Variants in KCNIP4 observed in about 807,000 individuals in gnomAD.
The protein encoded by KCNIP4 is potassium voltage-gated channel interacting protein 4, also known as Kv channel-interacting protein 4.
KCNIP4 carries 12 observed loss-of-function variants against 34.0 expected under a neutral mutation model. That is an observed-to-expected ratio of 0.35 (90% CI 0.23 to 0.57). The LOEUF is 0.57. Ranked by LOEUF, KCNIP4 falls within the 20% of genes least tolerant of loss-of-function variation. The pLI is 0.83. For missense variants in KCNIP4, 238 were observed against 311.7 expected, an observed-to-expected ratio of 0.76 and a Z score of 1.78; for synonymous variants, 124 against 102.2, an observed-to-expected ratio of 1.21 and a Z score of -1.29.
chr4:21,078,351 T>G (rs2109015127), intron 1 of KCNIP4, among the ~76,000 whole-genome samples: 1 of 152,140 alleles, frequency 6.6e-6, no homozygotes, highest in African/African-American at 2.4e-5. Flanking sequence ...AAATTTATCT[T>G]CTCAGAATTC....
chr4:21,874,486 C>G (rs905274857), intron 1 of KCNIP4, among the ~76,000 whole-genome samples: 4 of 152,138 alleles, frequency 2.6e-5, no homozygotes, highest in African/African-American at 9.7e-5. Flanking sequence ...ATCTGACCCA[C>G]AGAGGGAGAG....
chr4:21,201,648 G>A (rs1836088), intron 1 of KCNIP4, among the ~76,000 whole-genome samples: 9,917 of 152,110 alleles, frequency 0.065, 389 homozygotes, highest in East Asian at 0.15. Flanking sequence ...ACAGTTGCCC[G>A]CCACCATGCC....
chr4:21,819,800 A>C (rs983211135), intron 1 of KCNIP4, among the ~76,000 whole-genome samples: 1 of 152,142 alleles, frequency 6.6e-6, no homozygotes, highest in Non-Finnish European at 1.5e-5. Flanking sequence ...TCCTTCGTTC[A>C]AATTTGTAAG....
chr4:21,452,246 C>T (rs1445878505), intron 1 of KCNIP4, among the ~76,000 whole-genome samples: 1 of 152,126 alleles, frequency 6.6e-6, no homozygotes, highest in Non-Finnish European at 1.5e-5. Context: ...CTACACATCA[C>T]TTTCCGTAGA....
At chr4:21,624,813 T>TA (rs1442778715) in intron 1 of KCNIP4, among the ~76,000 whole-genome samples, 1 of 152,152 alleles carries the variant, frequency 6.6e-6, no homozygotes, top group Non-Finnish European at 1.5e-5. Context: ...CTATTTCACT[T>TA]AGCTTCTCCC....
At chr4:21,171,255 C>G (rs897352651) in intron 1 of KCNIP4, among the ~76,000 whole-genome samples, 1 of 152,132 alleles carries the variant, frequency 6.6e-6, no homozygotes, top group Non-Finnish European at 1.5e-5. Flanking sequence ...AACCAGTGGG[C>G]AACTGTCAAC....
chr4:21,928,945 A>T (rs562439465), intron 1 of KCNIP4, among the ~76,000 whole-genome samples: 1 of 152,136 alleles, frequency 6.6e-6, no homozygotes, highest in East Asian at 1.9e-4. Context: ...CACAAACAAC[A>T]TCCCATCTCT....
At chr4:21,548,238 C>T (rs187314292) in intron 1 of KCNIP4, among the ~76,000 whole-genome samples, 27 of 152,134 alleles carry the variant, frequency 1.8e-4, no homozygotes, top group African/African-American at 3.4e-4. Context: ...TGCAGCATTT[C>T]GGATCTTAAG....
chr4:20,883,116 T>C (rs73802389), intron 1 of KCNIP4, among the ~76,000 whole-genome samples: 5,278 of 149,592 alleles, frequency 0.035, 87 homozygotes, highest in African/African-American at 0.05. Flanking sequence ...AGGGCCCACA[T>C]GACAATTTTC....
intron 1 of KCNIP4, 108 bp downstream of exon 1, chr4:21,948,463 C>T: frequency 8.1e-7 from 1 of 1,238,694 alleles, no homozygotes; most frequent in Non-Finnish European, 1.1e-6. Flanking sequence ...TCTCATGCAG[C>T]GAAGGCAACA....
At chr4:21,387,514 A>T (rs1722136769) in intron 1 of KCNIP4, among the ~76,000 whole-genome samples, 1 of 152,222 alleles carries the variant, frequency 6.6e-6, no homozygotes, top group Admixed American at 6.5e-5. Flanking sequence ...ATATGTCATC[A>T]AAATTAACTT....
intron 1 of KCNIP4, among the ~76,000 whole-genome samples, chr4:21,556,930 A>AAAAAAAAAAAAAACAAAAAAAAC (rs1739102439): frequency 9.2e-6 from 1 of 108,194 alleles, no homozygotes; most frequent in African/African-American, 3.2e-5. Flanking sequence ...CAGAAAAAAA[A>AAAAAAAAAAAAAACAAAAAAAAC]AAAAAAAAAA....
intron 3 of KCNIP4, among the ~76,000 whole-genome samples, chr4:20,794,769 G>A (rs1057390362): frequency 3.3e-5 from 5 of 152,128 alleles, no homozygotes; most frequent in Admixed American, 3.3e-4. Flanking sequence ...ATGTTGCATA[G>A]GCATATAAGT....
chr4:20,783,160 T>G (rs1382690153), intron 3 of KCNIP4, among the ~76,000 whole-genome samples: 2 of 152,168 alleles, frequency 1.3e-5, no homozygotes, highest in Admixed American at 6.5e-5. Context: ...ATATCACTAT[T>G]AGCATTTTGG....
chr4:20,801,366 G>C (rs1013281516), intron 3 of KCNIP4, among the ~76,000 whole-genome samples: 2 of 151,830 alleles, frequency 1.3e-5, no homozygotes, highest in African/African-American at 2.4e-5. Context: ...CTCACTAGTG[G>C]AAGAAAATGC....
rs867857664 is a variant in KCNIP4 at position 21,563,801 on chromosome 4, G to A, written c.61+384770C>T. On this transcript the variant is annotated intron_variant, in intron 1 of 8. Transcript: ENST00000382152. ...TGAACTGGGTCTTGGGAAACACTAG[G>A]ACCTGGATCTCAGATGAGAAAACAT... is the stretch of plus-strand genomic sequence containing the variant. 3.5e-4 allele frequency among the ~76,000 whole-genome samples: 54 copies of A among 152,140 alleles called. 1 individual carries two copies. The highest frequency in any genetic ancestry group is 6.8e-3 in the Middle Eastern group (2 of 294).
intron 1 of KCNIP4, among the ~76,000 whole-genome samples, chr4:21,101,053 C>G (rs868124961): frequency 5.9e-5 from 9 of 152,204 alleles, no homozygotes; most frequent in Middle Eastern, 6.8e-3. Context: ...TTTAGTAAAC[C>G]CATTACCTAG....
intron 1 of KCNIP4, among the ~76,000 whole-genome samples, chr4:20,998,705 T>C (rs1737792466): frequency 6.6e-6 from 1 of 152,244 alleles, no homozygotes; most frequent in South Asian, 2.1e-4. Flanking sequence ...TCTTCATCAG[T>C]GGCAGAAGAT....
intron 1 of KCNIP4, among the ~76,000 whole-genome samples, chr4:21,841,158 C>T (rs1205463782): frequency 6.6e-6 from 1 of 152,118 alleles, no homozygotes; most frequent in African/African-American, 2.4e-5. Context: ...AACTCTGAGG[C>T]ATGTTCTTTC....
Sources: gnomAD v4.1 joint callset for allele counts (sites outside exome capture counted in the v4.1 genomes callset) on GRCh38, gnomAD v4.1.1 for gene constraint, MANE v1.5 for transcripts, NCBI Gene and HGNC (gene_info 2026-07-23, HGNC 2026-07-21) for gene names.